The following NEDD4 variants were observed in gnomAD, a reference collection of about 807,000 sequenced individuals.
NEDD4 encodes the protein E3 ubiquitin-protein ligase NEDD4.
NEDD4 carries 99 observed loss-of-function variants against 144.9 expected under a neutral mutation model. That is an observed-to-expected ratio of 0.68 (90% CI 0.58 to 0.81). The LOEUF is 0.81. Ranked by LOEUF, NEDD4 falls within the 30% of genes least tolerant of loss-of-function variation. The probability of loss-of-function intolerance (pLI) is 0.00; values close to 1 mark genes in which losing one functional copy is unlikely to be tolerated. For synonymous variants in NEDD4, 318 were observed against 350.6 expected, an observed-to-expected ratio of 0.91 and a Z score of 1.04; for missense variants, 985 against 1,065.9, an observed-to-expected ratio of 0.92 and a Z score of 1.06.
intron 4 of NEDD4, among the ~76,000 whole-genome samples, chr15:55,927,088 AAAAAAAAAAAAG>A: frequency 6.7e-6 from 1 of 150,052 alleles, no homozygotes; most frequent in Non-Finnish European, 1.5e-5. Context: ...AAAAAAAAAA[AAAAAAAAAAAAG>A]AAAGAAAGAA....
Position 55,827,165 on chromosome 15 carries a change from A to T in NEDD4, c.*2732T>A, listed in dbSNP as rs1257210461. 6.6e-6 allele frequency: 1 copy of T among 152,252 alleles called. No individual in the cohort carries two copies. Among genetic ancestry groups the T allele is most frequent in the African/African-American group, 2.4e-5 (1 of 41,468 alleles). 9.4% of individuals were successfully genotyped at this position (152,252 alleles called of 1,614,324 possible). ...CCAAAACAAACACCATTTAAATTTG[A>T]GTTCTGATGAAATGCATTTGTAATA... On this transcript the variant is annotated 3_prime_UTR_variant, in exon 29 of 29. Coordinates refer to ENST00000435532, the MANE Select transcript of NEDD4 (RefSeq NM_006154.4).
chr15:55,840,676 A>G lies in NEDD4; in HGVS notation c.1890T>C (p.Asp630=), dbSNP rs1731776332. Residue 630 remains aspartate (D), a synonymous_variant, in exon 20 of 29, where the codon GAT becomes GAC. Coordinates refer to ENST00000435532, the MANE Select transcript of NEDD4 (RefSeq NM_006154.4). The part of the protein sequence containing the change: ...INPNSGLCNE[D]HLSYFKFIGR... ...CAATAAACTTGAAGTAAGAGAGGTGATCTTCGTTACACAATCCAGAGTTTG... is the reference window on the plus strand; with the variant it reads ...CAATAAACTTGAAGTAAGAGAGGTGGTCTTCGTTACACAATCCAGAGTTTG... 6 of 1,614,122 alleles carry G rather than the reference A, an allele frequency of 3.7e-6. No individual in the cohort carries two copies. Among genetic ancestry groups the G allele is most frequent in the East Asian group, 2.2e-5 (1 of 44,854 alleles).
At chr15:55,891,231 A>C (rs1215625260) in intron 5 of NEDD4, among the ~76,000 whole-genome samples, 1 of 152,230 alleles carries the variant, frequency 6.6e-6, no homozygotes, top group African/African-American at 2.4e-5. Flanking sequence ...AAATGATCCC[A>C]AATAGCTGTA....
At chr15:55,943,985 AG>A (rs1365175821) in intron 4 of NEDD4, among the ~76,000 whole-genome samples, 1 of 152,232 alleles carries the variant, frequency 6.6e-6, no homozygotes, top group African/African-American at 2.4e-5. Flanking sequence ...ACAGAGTCAA[AG>A]GAGATTATTT....
chr15:55,977,963 G>A (rs1360678115), intron 1 of NEDD4, among the ~76,000 whole-genome samples: 3 of 152,006 alleles, frequency 2.0e-5, no homozygotes, highest in Non-Finnish European at 4.4e-5. Flanking sequence ...TCTCTCAAGT[G>A]GTAAAGTATA....
intron 2 of NEDD4, among the ~76,000 whole-genome samples, chr15:55,959,553 G>T (rs993688093): frequency 8.5e-5 from 13 of 152,194 alleles, no homozygotes; most frequent in African/African-American, 3.1e-4. Context: ...CATGTTCTTT[G>T]TGTTCCTCTC....
chr15:55,835,400 C>T (rs1346790805), intron 24 of NEDD4, among the ~76,000 whole-genome samples: 2 of 148,852 alleles, frequency 1.3e-5, no homozygotes, highest in Non-Finnish European at 3.0e-5. Context: ...TTCCTTATTT[C>T]CTTTGCAGTC....
chr15:55,956,106 G>A (rs1397019791), intron 2 of NEDD4, among the ~76,000 whole-genome samples: 1 of 152,082 alleles, frequency 6.6e-6, no homozygotes, highest in African/African-American at 2.4e-5. Flanking sequence ...GAGCCACCAT[G>A]CCCAGCCCAC....
intron 5 of NEDD4, among the ~76,000 whole-genome samples, chr15:55,891,268 T>A (rs1018304508): frequency 6.6e-6 from 1 of 151,966 alleles, no homozygotes; most frequent in Non-Finnish European, 1.5e-5. Context: ...AATGAAAAAA[T>A]TTTCCAAACT....
At chr15:55,986,903 T>C (rs1318578508) in intron 1 of NEDD4, among the ~76,000 whole-genome samples, 4 of 152,174 alleles carry the variant, frequency 2.6e-5, no homozygotes, top group African/African-American at 9.7e-5. Context: ...CCAAGGCCTG[T>C]CCTTCTTAAA....
chr15:55,912,883 C>T (rs1320335586), intron 5 of NEDD4, among the ~76,000 whole-genome samples: 2 of 152,072 alleles, frequency 1.3e-5, no homozygotes, highest in Non-Finnish European at 2.9e-5. Context: ...TTTGCTATGC[C>T]TGAAATCAAC....
intron 5 of NEDD4, among the ~76,000 whole-genome samples, chr15:55,906,785 A>AAAAT (rs2036114847): frequency 6.6e-6 from 1 of 152,188 alleles, no homozygotes; most frequent in South Asian, 2.1e-4. Flanking sequence ...GTATAATTAA[A>AAAAT]AAATAAATAA....
intron 5 of NEDD4, among the ~76,000 whole-genome samples, chr15:55,884,027 C>T (rs1373042726): frequency 1.3e-5 from 2 of 152,110 alleles, no homozygotes; most frequent in South Asian, 4.2e-4. Flanking sequence ...TTACAGGCAC[C>T]TGCCACCATG....
intron 5 of NEDD4, among the ~76,000 whole-genome samples, chr15:55,901,374 G>T (rs565296854): frequency 6.6e-6 from 1 of 152,134 alleles, no homozygotes; most frequent in Admixed American, 6.5e-5. Flanking sequence ...TCAATGTGGG[G>T]CTTGTGGCCC....
chr15:55,864,670 G>A (rs775239449), intron 8 of NEDD4, among the ~76,000 whole-genome samples: 2 of 135,138 alleles, frequency 1.5e-5, no homozygotes, highest in Non-Finnish European at 3.1e-5. Context: ...CAACAAGAGT[G>A]AAACTCTGTC....
At chr15:55,916,742 A>G (rs1270153662) in intron 5 of NEDD4, 1 of 1,614,038 alleles carries the variant, frequency 6.2e-7, no homozygotes, top group South Asian at 1.1e-5. Flanking sequence ...ACATGTGAAC[A>G]TGGCTATCCA....
chr15:55,933,760 A>C (rs1246612578), intron 4 of NEDD4, among the ~76,000 whole-genome samples: 1 of 152,054 alleles, frequency 6.6e-6, no homozygotes, highest in Non-Finnish European at 1.5e-5. Context: ...CCATGTGAAG[A>C]GGGATGTGTT....
In NEDD4 at chr15:55,837,355, G is replaced by C. The variant is rs180753400; in HGVS notation, c.2262+434C>G. 2.6e-4 allele frequency among the ~76,000 whole-genome samples: 40 copies of C among 151,530 alleles called. No homozygotes were observed. In the East Asian group the frequency reaches 7.6e-3, roughly 29 times the overall value. ...TGAGGCAGGAGAATTGCTTGAACCTGGGAGGTGCAGGTTGCAGTGAGCCGA... is the reference window on the plus strand; with the variant it reads ...TGAGGCAGGAGAATTGCTTGAACCTCGGAGGTGCAGGTTGCAGTGAGCCGA... On this transcript the variant is annotated intron_variant, in intron 24 of 28. Transcript: ENST00000435532.
At chr15:55,933,679 T>C (rs543532324) in intron 4 of NEDD4, among the ~76,000 whole-genome samples, 43 of 151,604 alleles carry the variant, frequency 2.8e-4, no homozygotes, top group African/African-American at 1.0e-3. Context: ...GAACTTAAAG[T>C]ATAAAAAAAA....
Sources: allele counts gnomAD v4.1 joint callset (sites outside exome capture counted in the v4.1 genomes callset), GRCh38; gene constraint gnomAD v4.1.1; transcripts MANE v1.5; gene names NCBI Gene and HGNC (gene_info 2026-07-23, HGNC 2026-07-21).